DMD: variants seen among roughly 807,000 people sequenced by gnomAD.
The protein encoded by DMD is mutant dystrophin.
A neutral mutation model predicts 330.1 loss-of-function variants in DMD; 63 were observed. The observed-to-expected ratio is 0.19, with a 90% CI of 0.16 to 0.24. The LOEUF is 0.24. Among genes scored for constraint, DMD ranks in the 10% least tolerant of loss-of-function variants. DMD has a pLI of 1.00. For missense variants in DMD, 3,344 were observed against 2,684.1 expected (o/e 1.25, Z -5.43); for synonymous variants, 1,223 against 959.8 (o/e 1.27, Z -5.07).
chrX:31,142,288 T>C (rs763579765), intron 76 of DMD, among the ~76,000 whole-genome samples: 2 of 111,687 alleles, frequency 1.8e-5, no homozygotes, highest in Non-Finnish European at 3.8e-5. Flanking sequence ...TGAAGTGTTA[T>C]GTATGAAACC....
intron 57 of DMD, among the ~76,000 whole-genome samples, chrX:31,488,837 C>G (rs1027642226): frequency 1.8e-5 from 2 of 111,707 alleles, no homozygotes; most frequent in African/African-American, 6.5e-5. Flanking sequence ...TAAATCAGAT[C>G]ACATCATCCC....
At chrX:33,276,307 AT>A (rs1005904669) in intron 1 of DMD, among the ~76,000 whole-genome samples, 73 of 109,094 alleles carry the variant, frequency 6.7e-4, no homozygotes, top group Admixed American at 1.5e-3. Flanking sequence ...AGGCTGGAGT[AT>A]TTTTTTTTAA....
intron 49 of DMD, among the ~76,000 whole-genome samples, chrX:31,828,428 G>A (rs1603482668): frequency 9.0e-6 from 1 of 110,988 alleles, no homozygotes; most frequent in African/African-American, 3.3e-5. Context: ...CACTTTGGGA[G>A]GCTGAGGCAG....
intron 57 of DMD, among the ~76,000 whole-genome samples, chrX:31,493,853 T>C (rs1262361518): frequency 1.8e-5 from 2 of 111,251 alleles, no homozygotes; most frequent in Non-Finnish European, 3.8e-5. Context: ...TAGTAGACAG[T>C]CAAAAACAAT....
chrX:33,096,419 G>C (rs960309866), intron 1 of DMD, among the ~76,000 whole-genome samples: 2 of 111,212 alleles, frequency 1.8e-5, no homozygotes, highest in Admixed American at 1.9e-4. Flanking sequence ...GTTTCTGTAA[G>C]ATATATTTTT....
intron 60 of DMD, among the ~76,000 whole-genome samples, chrX:31,358,523 G>C (rs1436354231): frequency 1.8e-5 from 2 of 112,266 alleles, no homozygotes; most frequent in African/African-American, 6.5e-5. Flanking sequence ...CCCAGGCTTT[G>C]TGCCTTAGCA....
chrX:32,694,410 C>G (rs2063497704), intron 9 of DMD, among the ~76,000 whole-genome samples: 1 of 111,820 alleles, frequency 8.9e-6, no homozygotes, highest in South Asian at 3.8e-4. Flanking sequence ...CAAACCTGTT[C>G]CTTCTACAGT....
chrX:33,167,372 A>T (rs1382954208), intron 1 of DMD, among the ~76,000 whole-genome samples: 1 of 111,254 alleles, frequency 9.0e-6, no homozygotes, highest in African/African-American at 3.3e-5. Context: ...TTATGCACTA[A>T]ATGGTACTGC....
At chrX:32,805,462 T>C (rs764831742) in intron 7 of DMD, among the ~76,000 whole-genome samples, 20 of 112,050 alleles carry the variant, frequency 1.8e-4, no homozygotes, top group African/African-American at 6.5e-4. Flanking sequence ...TATGGGACTA[T>C]GTGAAAAGAC....
intron 53 of DMD, among the ~76,000 whole-genome samples, chrX:31,677,972 G>A (rs2082171341): frequency 8.9e-6 from 1 of 112,049 alleles, no homozygotes; most frequent in East Asian, 2.8e-4. Flanking sequence ...ACCACATTCT[G>A]TCTTCCTTTT....
intron 2 of DMD, among the ~76,000 whole-genome samples, chrX:32,851,947 G>C (rs914192969): frequency 9.0e-6 from 1 of 111,169 alleles, no homozygotes; most frequent in Non-Finnish European, 1.9e-5. Context: ...AGCACTTTGG[G>C]GTCCTAAATA....
intron 51 of DMD, among the ~76,000 whole-genome samples, chrX:31,763,152 G>C (rs1253429716): frequency 1.8e-5 from 2 of 112,637 alleles, no homozygotes; most frequent in Non-Finnish European, 3.7e-5. Flanking sequence ...AATCTAAAAA[G>C]TCAAATGACA....
chrX:32,253,186 G>A (rs1023755236), intron 43 of DMD, among the ~76,000 whole-genome samples: 4 of 107,899 alleles, frequency 3.7e-5, no homozygotes, highest in African/African-American at 1.3e-4. Flanking sequence ...AAAAATAGAT[G>A]AAGATAAGAA....
chrX:32,706,397 T>A (rs2064666166), intron 7 of DMD, among the ~76,000 whole-genome samples: 1 of 105,963 alleles, frequency 9.4e-6, no homozygotes, highest in East Asian at 3.0e-4. Context: ...AAAAAAAAAA[T>A]GTAAAAATTA....
intron 61 of DMD, among the ~76,000 whole-genome samples, chrX:31,330,215 C>CAAA (rs201278748): frequency 2.9e-5 from 2 of 69,446 alleles, no homozygotes; most frequent in African/African-American, 1.0e-4. Flanking sequence ...TATAAAAGTA[C>CAAA]AAAAAAAAAA....
chrX:31,467,945 A>T (rs960649532), intron 59 of DMD, among the ~76,000 whole-genome samples: 9 of 111,436 alleles, frequency 8.1e-5, no homozygotes, highest in African/African-American at 2.9e-4. Context: ...TTTCTAGTTT[A>T]TTTGCGTAGA....
At chrX:31,580,999 C>T in intron 55 of DMD, among the ~76,000 whole-genome samples, 1 of 112,242 alleles carries the variant, frequency 8.9e-6, no homozygotes, top group East Asian at 2.8e-4. Context: ...CAATGGAATG[C>T]TGCTAATTCT....
At chrX:31,252,578 G>C (rs1008341422) in intron 63 of DMD, among the ~76,000 whole-genome samples, 2 of 111,743 alleles carry the variant, frequency 1.8e-5, no homozygotes, top group Non-Finnish European at 3.8e-5. Context: ...GGGATGACAG[G>C]ACAAAAAATC....
In DMD at chrX:32,748,416, C is replaced by A. The variant is rs187075317; in HGVS notation, c.650-49123G>T. Among the ~76,000 whole-genome samples, 7 of 109,650 alleles carry A rather than the reference C, an allele frequency of 6.4e-5. No homozygotes were observed. In the East Asian group the frequency reaches 2.0e-3, roughly 31 times the overall value. ...AAACTGCGAGGGTGGGGCATTTAAT[C>A]CTGTTATACAGATAAGAAAACTGAG... On this transcript the variant is annotated intron_variant, in intron 7 of 78. Transcript: ENST00000357033.
Sources: gnomAD v4.1 joint callset for allele counts (sites outside exome capture counted in the v4.1 genomes callset) on GRCh38, gnomAD v4.1.1 for gene constraint, MANE v1.5 for transcripts, NCBI Gene and HGNC (gene_info 2026-07-23, HGNC 2026-07-21) for gene names.